CARD19: variants seen among roughly 807,000 people sequenced by gnomAD.
CARD19 encodes caspase recruitment domain family member 19.
In CARD19, 25 loss-of-function variants were observed where a neutral mutation model predicts 24.1. That is an observed-to-expected ratio of 1.04 (90% CI 0.76 to 1.45). The LOEUF is 1.45. CARD19 is among the 40% of genes most tolerant of loss of function. The pLI, the probability that CARD19 is intolerant of heterozygous loss-of-function variation, is 0.00. For synonymous variants in CARD19, 103 were observed against 104.9 expected, an observed-to-expected ratio of 0.98 and a Z score of 0.11; for missense variants, 241 against 247.4, an observed-to-expected ratio of 0.97 and a Z score of 0.17.
At chr9:93,108,303 A>G (rs1827340907) in intron 2 of CARD19, among the ~76,000 whole-genome samples, 1 of 152,092 alleles carries the variant, frequency 6.6e-6, no homozygotes, top group Non-Finnish European at 1.5e-5. Flanking sequence ...AAAGCGGGCA[A>G]ACAATTGCTT....
At chr9:93,111,788 G>C (rs2027585) in intron 3 of CARD19, 91 bp from the exon 4 acceptor site, 1,297,525 of 1,548,080 alleles carry the variant, frequency 0.84, 551,894 homozygotes, top group Non-Finnish European at 0.88. Flanking sequence ...GGCCCCAGGA[G>C]GCAGCAGCAA....
chr9:93,106,424 A>AAAAAAAAAAAAAAAAT (rs1827258381), intron 1 of CARD19, among the ~76,000 whole-genome samples: 4 of 150,334 alleles, frequency 2.7e-5, no homozygotes, highest in Non-Finnish European at 4.5e-5. Context: ...TAAAAAAAAA[A>AAAAAAAAAAAAAAAAT]AAAAAATACA....
chr9:93,106,045 C>A (rs1044718972), intron 1 of CARD19, among the ~76,000 whole-genome samples: 1 of 152,030 alleles, frequency 6.6e-6, no homozygotes, highest in Non-Finnish European at 1.5e-5. Flanking sequence ...TGAATTTATC[C>A]TTTTATTAAT....
In CARD19 at chr9:93,096,339, C is replaced by G. The variant is rs952523496; in HGVS notation, c.-7C>G. On this transcript the variant is annotated 5_prime_UTR_variant, in exon 1 of 6. Transcript: ENST00000375464. This position sits in a 1 kb window ranked among gnomAD's most constrained non-coding sequence, Gnocchi z 5.4. ...TGGGGACTGCGGGCGGCGCTGTGTC[C>G]GTCGCCATGACAGGTGGGCACGGGG... is the stretch of plus-strand genomic sequence containing the variant. The G allele has an allele frequency of 8.2e-7, 1 of 1,225,796 alleles. No individual in the cohort carries two copies. Among genetic ancestry groups the G allele is most frequent in the African/African-American group, 1.6e-5 (1 of 64,076 alleles). The allele number at this position is 1,225,796 out of a possible 1,614,324, so 75.9% of individuals were successfully genotyped here. A position where few individuals can be genotyped will look rare whatever the true frequency, so the allele number is the denominator to read the frequency against.
intron 1 of CARD19, among the ~76,000 whole-genome samples, chr9:93,099,175 C>T (rs960764079): frequency 1.3e-5 from 2 of 152,118 alleles, no homozygotes; most frequent in South Asian, 2.1e-4. Flanking sequence ...CCATCTGCCT[C>T]GGCCTCCCAA....
At position 93,113,164 on chromosome 9, in the gene CARD19, C is replaced by T; in HGVS notation, c.*57C>T. 3.5e-6 allele frequency: 4 copies of T among 1,131,420 alleles called. No homozygotes were observed. Among genetic ancestry groups the T allele is most frequent in the Non-Finnish European group, 3.8e-6 (3 of 796,418 alleles). The allele number at this position is 1,131,420 out of a possible 1,614,324, so 70.1% of individuals were successfully genotyped here. The stretch of plus-strand genomic sequence containing the variant: ...TCAACCAAAGAGTCCTCGAGCCGGC[C>T]CGCCAAGGGGACTGCTGCTTCTTTT... On this transcript the variant is annotated 3_prime_UTR_variant, in exon 6 of 6. Coordinates refer to ENST00000375464, the MANE Select transcript of CARD19 (RefSeq NM_032310.5).
At chr9:93,112,118 C>A in intron 4 of CARD19, 100 bp from the exon 5 acceptor site, 1 of 1,375,806 alleles carries the variant, frequency 7.3e-7, no homozygotes, top group South Asian at 1.2e-5. Flanking sequence ...TCAGGCAGCA[C>A]CTCAGCCTGG....
At chr9:93,104,446 G>A (rs929056481) in intron 1 of CARD19, among the ~76,000 whole-genome samples, 11 of 124,412 alleles carry the variant, frequency 8.8e-5, no homozygotes, top group South Asian at 2.8e-4. Flanking sequence ...TAGTTATGAA[G>A]TGTTCTCTCG....
Position 93,110,560 on chromosome 9 carries a change from A to G in CARD19, c.151-8A>G. Reference sequence around the variant, plus strand: ...CTGATCTTCCCTGGCACCCCCTTGTACCCTCAGTTCCGGAACCCCAAGGCA... The same window carrying G: ...CTGATCTTCCCTGGCACCCCCTTGTGCCCTCAGTTCCGGAACCCCAAGGCA... On this transcript the variant is annotated splice_polypyrimidine_tract_variant and splice_region_variant and intron_variant, in intron 2 of 5. Transcript: ENST00000375464. 1.3e-6 allele frequency: 2 copies of G among 1,588,620 alleles called. No homozygotes were observed. The highest frequency in any genetic ancestry group is 1.7e-6 in the Non-Finnish European group (2 of 1,164,490).
chr9:93,111,321 TG>T (rs1827475623), intron 3 of CARD19: 1 of 1,131,344 alleles, frequency 8.8e-7, no homozygotes, highest in Non-Finnish European at 1.1e-6. Flanking sequence ...TGCTGGGATG[TG>T]GGGGGCATAT....
intron 2 of CARD19, chr9:93,109,232 A>G (rs1006672273): frequency 7.2e-5 from 11 of 152,378 alleles, no homozygotes; most frequent in African/African-American, 2.4e-4. Context: ...ATACAAGAAA[A>G]AGCACATATT....
intron 2 of CARD19, chr9:93,110,356 G>A: frequency 1.4e-6 from 1 of 721,928 alleles, no homozygotes; most frequent in Middle Eastern, 3.9e-4. Flanking sequence ...CCCACAGGGA[G>A]TATGAGGAGT....
In CARD19 at chr9:93,107,210, C is replaced by G. The variant is rs527378785; in HGVS notation, c.8-464C>G. ...ATTCTTGATCTCGAACTCCTGAGCT[C>G]AAGTGATCCACCCACCTCAGCCTCC... On this transcript the variant is annotated intron_variant, in intron 1 of 5. Coordinates refer to ENST00000375464, the MANE Select transcript of CARD19 (RefSeq NM_032310.5). 6.2e-4 allele frequency among the ~76,000 whole-genome samples: 95 copies of G among 152,268 alleles called. 1 individual carries two copies. The highest frequency in any genetic ancestry group is 2.1e-3 in the African/African-American group (87 of 41,556).
chr9:93,099,534 AG>A (rs2119061666), intron 1 of CARD19, among the ~76,000 whole-genome samples: 1 of 152,238 alleles, frequency 6.6e-6, no homozygotes, highest in African/African-American at 2.4e-5. Context: ...TATGTTGCAA[AG>A]CTGTTGGAAG....
At chr9:93,109,025 A>G (rs1336764895) in intron 2 of CARD19, 4 of 152,224 alleles carry the variant, frequency 2.6e-5, no homozygotes, top group Non-Finnish European at 5.9e-5. Context: ...GGGTTGGGGC[A>G]TCTCCTGGAA....
chr9:93,098,869 C>T (rs1313364426), intron 1 of CARD19, among the ~76,000 whole-genome samples: 1 of 151,770 alleles, frequency 6.6e-6, no homozygotes, highest in African/African-American at 2.4e-5. Flanking sequence ...CAGCCCTTGC[C>T]CCTGGGTCTT....
At chr9:93,111,789 G>T (rs55875720) in intron 3 of CARD19, 90 bp from the exon 4 acceptor site, 2 of 1,553,102 alleles carry the variant, frequency 1.3e-6, no homozygotes, top group African/African-American at 1.4e-5. Context: ...GCCCCAGGAG[G>T]CAGCAGCAAC....
intron 1 of CARD19, among the ~76,000 whole-genome samples, chr9:93,106,151 A>G (rs1030228233): frequency 1.3e-5 from 2 of 151,838 alleles, no homozygotes; most frequent in Non-Finnish European, 2.9e-5. Context: ...TTTGTTTACT[A>G]TTTGTATGGG....
At position 93,112,202 on chromosome 9, in the gene CARD19, G is replaced by A. The variant is rs1310528017; in HGVS notation, c.365-16G>A. ...TGAGGCCCAGGGGAGCCCTGTTCAC[G>A]CTGGTTTCTCCCCAGGACCCATGAG... On this transcript the variant is annotated splice_polypyrimidine_tract_variant and intron_variant, in intron 4 of 5. Coordinates refer to ENST00000375464, the MANE Select transcript of CARD19 (RefSeq NM_032310.5). 5 of 1,544,124 alleles carry A rather than the reference G, an allele frequency of 3.2e-6. No homozygotes were observed. The highest frequency in any genetic ancestry group is 1.4e-5 in the African/African-American group (1 of 73,096).
Sources: allele counts gnomAD v4.1 joint callset (sites outside exome capture counted in the v4.1 genomes callset), GRCh38; gene constraint gnomAD v4.1.1; non-coding constraint Gnocchi (gnomAD v3.1); transcripts MANE v1.5; gene names NCBI Gene and HGNC (gene_info 2026-07-23, HGNC 2026-07-21).